Variants in RNF150 observed in about 807,000 individuals in gnomAD.
RNF150 encodes ring finger protein 150.
In RNF150, 24 loss-of-function variants were observed where a neutral mutation model predicts 39.3. The ratio of observed to expected loss-of-function variants is 0.61; its 90% confidence interval spans 0.44 to 0.86. RNF150 has a LOEUF of 0.86. Among genes scored for constraint, RNF150 ranks in the 40% least tolerant of loss-of-function variants. The pLI is 0.00. For synonymous variants in RNF150, 255 were observed against 227.3 expected (o/e 1.12, Z -1.10); for missense variants, 502 against 587.8 (o/e 0.85, Z 1.51).
chr4:141,095,795 AG>A (rs1428465713), intron 1 of RNF150, among the ~76,000 whole-genome samples: 1 of 152,184 alleles, frequency 6.6e-6, no homozygotes, highest in Non-Finnish European at 1.5e-5. Flanking sequence ...GCCTCTGGGA[AG>A]GGGAGAAAAA....
Position 140,866,055 on chromosome 4 carries a change from G to C in RNF150, c.*2206C>G, listed in dbSNP as rs2111170699. The C allele has an allele frequency of 6.6e-6, 1 of 152,338 alleles. No individual in the cohort carries two copies. The highest frequency in any genetic ancestry group is 3.4e-3 in the Middle Eastern group (1 of 294). The allele number at this position is 152,338 out of a possible 1,614,324, so 9.4% of individuals were successfully genotyped here. A position where few individuals can be genotyped will look rare whatever the true frequency, so the allele number is the denominator to read the frequency against. ...GAGAGCTAGGATTTGAAGGTATCCA[G>C]AGATTGCAAACTCTGTGACTAACAG... On this transcript the variant is annotated 3_prime_UTR_variant, in exon 7 of 7. Transcript: ENST00000515673.
chr4:141,138,120 C>T (rs76495581), upstream of RNF150, among the ~76,000 whole-genome samples: 895 of 152,286 alleles, frequency 5.9e-3, 49 homozygotes, highest in East Asian at 0.12. Flanking sequence ...CATTAATGTG[C>T]ACAGCATGTT....
chr4:141,140,943 T>C (rs917172490), intron 1 of RNF150, among the ~76,000 whole-genome samples: 1 of 152,234 alleles, frequency 6.6e-6, no homozygotes, highest in Non-Finnish European at 1.5e-5. Context: ...ATCCCAGCTC[T>C]GTGCCTAATT....
chr4:141,073,893 G>A (rs923485130), intron 1 of RNF150, among the ~76,000 whole-genome samples: 8 of 151,940 alleles, frequency 5.3e-5, no homozygotes, highest in Non-Finnish European at 7.4e-5. Context: ...ACTGGGGAGC[G>A]GGGAGTGGAG....
chr4:140,924,080 C>A (rs571609159), intron 5 of RNF150, among the ~76,000 whole-genome samples: 1 of 152,182 alleles, frequency 6.6e-6, no homozygotes, highest in South Asian at 2.1e-4. Context: ...ATGCAACAAA[C>A]CTGCACGTTT....
intron 1 of RNF150, among the ~76,000 whole-genome samples, chr4:141,145,816 C>T (rs972294586): frequency 1.3e-5 from 2 of 152,138 alleles, no homozygotes; most frequent in South Asian, 4.1e-4. Context: ...TATGGAAGAT[C>T]CAATGTTCAA....
intron 1 of RNF150, among the ~76,000 whole-genome samples, chr4:141,101,463 T>C (rs1739007563): frequency 6.6e-6 from 1 of 152,206 alleles, no homozygotes; most frequent in Non-Finnish European, 1.5e-5. Context: ...CATGGAGCTG[T>C]CATTTCCTGT....
At chr4:140,996,674 A>G (rs555119107) in intron 1 of RNF150, among the ~76,000 whole-genome samples, 3 of 152,370 alleles carry the variant, frequency 2.0e-5, no homozygotes, top group South Asian at 4.1e-4. Context: ...AAGCAAGGTA[A>G]AAAATTTTGG....
intron 1 of RNF150, among the ~76,000 whole-genome samples, chr4:141,142,862 T>A (rs1727143478): frequency 6.6e-6 from 1 of 151,740 alleles, no homozygotes; most frequent in Non-Finnish European, 1.5e-5. Context: ...TCTAGGTATC[T>A]CTCTTTTTTC....
intron 1 of RNF150, among the ~76,000 whole-genome samples, chr4:141,154,427 T>C (rs973554298): frequency 1.1e-4 from 17 of 152,220 alleles, no homozygotes; most frequent in Non-Finnish European, 2.9e-5. Flanking sequence ...TTAGAGGGGC[T>C]GTTAGGCAAG....
At chr4:141,011,456 T>A (rs1735071297) in intron 1 of RNF150, among the ~76,000 whole-genome samples, 1 of 152,218 alleles carries the variant, frequency 6.6e-6, no homozygotes, top group African/African-American at 2.4e-5. Flanking sequence ...AATATCGGAT[T>A]TATTTACTTA....
At chr4:141,096,811 A>G (rs2111024488) in intron 1 of RNF150, among the ~76,000 whole-genome samples, 1 of 152,366 alleles carries the variant, frequency 6.6e-6, no homozygotes, top group Admixed American at 6.5e-5. Context: ...GTCCTGCTTA[A>G]GCAAGTGGAC....
At chr4:141,137,452 T>C (rs1727044555), upstream of RNF150, among the ~76,000 whole-genome samples, 1 of 152,196 alleles carries the variant, frequency 6.6e-6, no homozygotes, top group Non-Finnish European at 1.5e-5. Context: ...TAAACAGTAT[T>C]CTCTGATGCA....
At chr4:141,208,790 A>G (rs113113576) in intron 1 of RNF150, among the ~76,000 whole-genome samples, 7,393 of 152,220 alleles carry the variant, frequency 0.049, 595 homozygotes, top group African/African-American at 0.17. Flanking sequence ...ATACTGGCAG[A>G]AGACACAGGA....
intron 1 of RNF150, among the ~76,000 whole-genome samples, chr4:141,029,611 C>A (rs1735847334): frequency 6.6e-6 from 1 of 152,126 alleles, no homozygotes; most frequent in Admixed American, 6.5e-5. Flanking sequence ...ACCTCAAAGT[C>A]AATGCTAATT....
intron 1 of RNF150, among the ~76,000 whole-genome samples, chr4:141,173,280 T>C (rs949917594): frequency 6.6e-6 from 1 of 152,230 alleles, no homozygotes; most frequent in Non-Finnish European, 1.5e-5. Flanking sequence ...CAGTAGCTTA[T>C]ATACTCACTT....
intron 1 of RNF150, among the ~76,000 whole-genome samples, chr4:141,129,196 G>A (rs1447064162): frequency 6.6e-6 from 1 of 152,086 alleles, no homozygotes; most frequent in African/African-American, 2.4e-5. Flanking sequence ...ACAATTAAAA[G>A]GTAGAAACAA....
At chr4:141,175,494 T>C (rs1447660846) in intron 1 of RNF150, among the ~76,000 whole-genome samples, 3 of 152,170 alleles carry the variant, frequency 2.0e-5, no homozygotes, top group African/African-American at 7.2e-5. Context: ...CTACCAGTGG[T>C]CGTAACATCC....
At chr4:140,933,408 T>C (rs1731725176) in intron 4 of RNF150, among the ~76,000 whole-genome samples, 1 of 152,156 alleles carries the variant, frequency 6.6e-6, no homozygotes, top group African/African-American at 2.4e-5. Flanking sequence ...CTGGAAAATT[T>C]TGAGTGCCAA....
Sources: allele counts gnomAD v4.1 joint callset (sites outside exome capture counted in the v4.1 genomes callset), GRCh38; gene constraint gnomAD v4.1.1; transcripts MANE v1.5; gene names NCBI Gene and HGNC (gene_info 2026-07-23, HGNC 2026-07-21).